The following POFUT3 variants were observed in gnomAD, a reference collection of about 807,000 sequenced individuals.
The protein encoded by POFUT3 is protein O-fucosyltransferase 3.
the POFUT3 span, among the ~76,000 whole-genome samples, chr8:33,328,858 C>A: frequency 5.0e-4 from 76 of 152,252 alleles, no homozygotes; most frequent in East Asian, 0.01. Flanking sequence ...GATATGGGGG[C>A]AAGGGAGAGG....
chr8:33,364,748 C>T, the POFUT3 span, among the ~76,000 whole-genome samples: 18 of 152,132 alleles, frequency 1.2e-4, no homozygotes, highest in Non-Finnish European at 4.4e-5. Flanking sequence ...CAAACCACTG[C>T]TCAATGAAAT....
At chr8:33,383,266 T>C in the POFUT3 span, among the ~76,000 whole-genome samples, 14 of 152,164 alleles carry the variant, frequency 9.2e-5, no homozygotes, top group African/African-American at 3.1e-4. Flanking sequence ...TGCCTCTGTT[T>C]CCATTTCTGT....
the POFUT3 span, among the ~76,000 whole-genome samples, chr8:33,333,845 G>A: frequency 4.6e-5 from 7 of 152,120 alleles, no homozygotes; most frequent in Non-Finnish European, 7.4e-5. Context: ...TAAGAAGACC[G>A]TATTGGCGGA....
At chr8:33,407,719 T>C in the POFUT3 span, among the ~76,000 whole-genome samples, 2 of 151,990 alleles carry the variant, frequency 1.3e-5, no homozygotes, top group African/African-American at 2.4e-5. Flanking sequence ...TAAAGAAACA[T>C]AAGGCAGGTG....
the POFUT3 span, chr8:33,453,459 A>C: frequency 1.2e-6 from 2 of 1,613,818 alleles, no homozygotes; most frequent in East Asian, 2.2e-5. Context: ...CCATCTTGCA[A>C]ACTGGAACTT....
chr8:33,373,716 C>A, the POFUT3 span, among the ~76,000 whole-genome samples: 1 of 152,028 alleles, frequency 6.6e-6, no homozygotes, highest in African/African-American at 2.4e-5. Flanking sequence ...CAGAAAAACT[C>A]CAGGATAACA....
chr8:33,452,170 G>C, the POFUT3 span: 1 of 152,062 alleles, frequency 6.6e-6, no homozygotes, highest in Admixed American at 6.6e-5. Flanking sequence ...TGTACAACTT[G>C]TTTTCCCTAG....
At chr8:33,456,118 G>A in the POFUT3 span, among the ~76,000 whole-genome samples, 2 of 152,094 alleles carry the variant, frequency 1.3e-5, no homozygotes, top group Non-Finnish European at 2.9e-5. Context: ...TTTGATCCAT[G>A]GGAGATGACT....
At chr8:33,336,883 A>G in the POFUT3 span, among the ~76,000 whole-genome samples, 5 of 152,198 alleles carry the variant, frequency 3.3e-5, no homozygotes. Context: ...GGGAGGGAAG[A>G]GAGAATCCTG....
the POFUT3 span, among the ~76,000 whole-genome samples, chr8:33,468,239 C>T: frequency 5.8e-4 from 73 of 124,824 alleles, no homozygotes; most frequent in African/African-American, 1.8e-3. Flanking sequence ...AACTGTGTCT[C>T]AAAAAAAAAA....
chr8:33,320,466 AAC>A, the POFUT3 span, among the ~76,000 whole-genome samples: 1 of 152,096 alleles, frequency 6.6e-6, no homozygotes, highest in Non-Finnish European at 1.5e-5. Flanking sequence ...TTCCAAATCA[AAC>A]ACTATTTGCA....
the POFUT3 span, among the ~76,000 whole-genome samples, chr8:33,464,450 T>A: frequency 6.6e-6 from 1 of 152,164 alleles, no homozygotes; most frequent in Admixed American, 6.6e-5. Context: ...TGACCAAGAC[T>A]CTAACTTTGA....
chr8:33,457,603 G>T, the POFUT3 span, among the ~76,000 whole-genome samples: 1 of 151,776 alleles, frequency 6.6e-6, no homozygotes, highest in East Asian at 1.9e-4. Context: ...TAATTTTATT[G>T]GGTATAATAG....
the POFUT3 span, among the ~76,000 whole-genome samples, chr8:33,401,974 C>T: frequency 0.011 from 1,728 of 151,854 alleles, 41 homozygotes; most frequent in East Asian, 0.1. Flanking sequence ...TTCAGTGAGC[C>T]GAGATCACGC....
the POFUT3 span, among the ~76,000 whole-genome samples, chr8:33,382,993 G>C: frequency 5.9e-5 from 9 of 152,248 alleles, no homozygotes; most frequent in South Asian, 1.9e-3. Flanking sequence ...GGTAGAGCAA[G>C]TTAGGACCAG....
the POFUT3 span, among the ~76,000 whole-genome samples, chr8:33,431,045 A>G: frequency 6.6e-6 from 1 of 152,256 alleles, no homozygotes; most frequent in East Asian, 1.9e-4. Flanking sequence ...GAAAGTGTGC[A>G]TTGTGGGTCT....
the POFUT3 span, among the ~76,000 whole-genome samples, chr8:33,348,933 C>T: frequency 1.3e-5 from 2 of 152,088 alleles, no homozygotes; most frequent in African/African-American, 2.4e-5. Context: ...GAGAGTGTTT[C>T]GTTTATATGA....
At chr8:33,461,368 G>T in the POFUT3 span, 1 of 1,605,894 alleles carries the variant, frequency 6.2e-7, no homozygotes, top group Non-Finnish European at 8.5e-7. Flanking sequence ...CACATTCTTG[G>T]TACCTGGAGT....
chr8:33,391,265 A>G, the POFUT3 span, among the ~76,000 whole-genome samples: 1 of 152,378 alleles, frequency 6.6e-6, no homozygotes, highest in Non-Finnish European at 1.5e-5. Flanking sequence ...AACAAAGATC[A>G]GATAAGGTTA....
Sources: gnomAD v4.1 joint callset for allele counts (sites outside exome capture counted in the v4.1 genomes callset) on GRCh38, gnomAD v4.1.1 for gene constraint, MANE v1.5 for transcripts, NCBI Gene and HGNC (gene_info 2026-07-23, HGNC 2026-07-21) for gene names.